PCDHA3: variants seen among roughly 807,000 people sequenced by gnomAD.
PCDHA3 encodes the protein protocadherin alpha 3.
In PCDHA3, 41 loss-of-function variants were observed where a neutral mutation model predicts 62.2. That is an observed-to-expected ratio of 0.66 (90% CI 0.51 to 0.86). The LOEUF (loss-of-function observed/expected upper bound fraction) is 0.86. Ranked by LOEUF, PCDHA3 falls within the 40% of genes least tolerant of loss-of-function variation. The pLI, the probability that PCDHA3 is intolerant of heterozygous loss-of-function variation, is 0.00. For synonymous variants in PCDHA3, 640 were observed against 555.4 expected (o/e 1.15, Z -2.14); for missense variants, 1,304 against 1,241.2 (o/e 1.05, Z -0.76).
Position 140,850,115 on chromosome 5 carries a change from G to C in PCDHA3, c.2394+46524G>C, listed in dbSNP as rs2150468444. ...AGTTCCAGGTGAGCGCGCGCGACGCGGGCGTGCCGCCTCTGGGCAGCAACG... is the reference window on the plus strand; with the variant it reads ...AGTTCCAGGTGAGCGCGCGCGACGCCGGCGTGCCGCCTCTGGGCAGCAACG... On this transcript the variant is annotated intron_variant, in intron 1 of 3. Transcript: ENST00000522353. The C allele has an allele frequency of 8.1e-6, 13 of 1,596,094 alleles. 2 individuals are homozygous for C. Among genetic ancestry groups the C allele is most frequent in the Non-Finnish European group, 1.1e-5 (13 of 1,167,854 alleles).
intron 1 of PCDHA3, among the ~76,000 whole-genome samples, chr5:140,912,874 G>T (rs2076102653): frequency 6.6e-6 from 1 of 152,026 alleles, no homozygotes; most frequent in Non-Finnish European, 1.5e-5. Context: ...TATGGTTTTT[G>T]GTCTTCATTC....
chr5:140,929,306 A>G lies in PCDHA3; in HGVS notation c.2395-49643A>G, dbSNP rs781950847. 9 of 1,572,580 alleles carry G rather than the reference A, an allele frequency of 5.7e-6. No homozygotes were observed. The Admixed American group carries it at 9.0e-5, about 16-fold the overall frequency. On this transcript the variant is annotated intron_variant, in intron 1 of 3. Coordinates refer to ENST00000522353, the MANE Select transcript of PCDHA3 (RefSeq NM_018906.3). The stretch of plus-strand genomic sequence containing the variant: ...CAGATTCGGAATAGGAAAGGGGATC[A>G]CGCTAATGTCAATGCCATGGTAAGC...
chr5:140,939,560 T>C (rs2153641939), intron 1 of PCDHA3, among the ~76,000 whole-genome samples: 1 of 151,934 alleles, frequency 6.6e-6, no homozygotes, highest in African/African-American at 2.4e-5. Flanking sequence ...TGTATTAGTT[T>C]GGTTAATCAA....
At position 140,999,623 on chromosome 5, in the gene PCDHA3, A is replaced by G. The variant is rs188539860; in HGVS notation, c.2543-10004A>G. ...CCTGGGGGACCTTATCAACCAGGAAACAAGGTAGAGAAAACTGTGCAGCCT... is the reference window on the plus strand; with the variant it reads ...CCTGGGGGACCTTATCAACCAGGAAGCAAGGTAGAGAAAACTGTGCAGCCT... On this transcript the variant is annotated intron_variant, in intron 3 of 3. Transcript: ENST00000522353. Among the ~76,000 whole-genome samples the G allele has an allele frequency of 1.3e-4, 20 of 152,330 alleles. No individual in the cohort carries two copies. In the East Asian group the frequency reaches 3.9e-3, roughly 29 times the overall value.
chr5:140,938,477 A>T (rs2092083791), intron 1 of PCDHA3, among the ~76,000 whole-genome samples: 1 of 152,178 alleles, frequency 6.6e-6, no homozygotes, highest in Non-Finnish European at 1.5e-5. Flanking sequence ...TATGTTTTTT[A>T]AAAATCATGA....
intron 1 of PCDHA3, among the ~76,000 whole-genome samples, chr5:140,946,597 T>A (rs952488909): frequency 1.5e-5 from 2 of 137,412 alleles, no homozygotes; most frequent in Admixed American, 7.5e-5. Context: ...GATGAATAGA[T>A]AAAGAAAATG....
intron 1 of PCDHA3, among the ~76,000 whole-genome samples, chr5:140,925,996 T>C (rs2082856637): frequency 6.6e-6 from 1 of 152,190 alleles, no homozygotes; most frequent in Non-Finnish European, 1.5e-5. Context: ...CTGGCTCCGC[T>C]GCCTCGAAAA....
chr5:140,802,209 C>T lies in PCDHA3; in HGVS notation c.1012C>T (p.Leu338Phe), dbSNP rs782580003. Residue 338 changes from leucine (L) to phenylalanine (F), a missense_variant, in exon 1 of 4, where the codon CTC (leucine) becomes TTC (phenylalanine). Transcript: ENST00000522353. ...PPMSDHCTVL[L>F]EIVDINDNVP... is the part of the protein sequence containing the mutation. The stretch of plus-strand genomic sequence containing the variant: ...AATGTCAGATCACTGCACAGTTCTA[C>T]TCGAAATTGTGGACATCAATGATAA... 2.5e-6 allele frequency: 4 copies of T among 1,614,192 alleles called. No homozygotes were observed. The South Asian group carries it at 4.4e-5, about 18-fold the overall frequency.
At chr5:140,997,566 T>G (rs1366934494) in intron 3 of PCDHA3, among the ~76,000 whole-genome samples, 1 of 152,208 alleles carries the variant, frequency 6.6e-6, no homozygotes, top group Non-Finnish European at 1.5e-5. Context: ...AACTGTCATA[T>G]GTGTGGTCCG....
chr5:140,899,253 A>T (rs1340284203), intron 1 of PCDHA3, among the ~76,000 whole-genome samples: 1 of 152,284 alleles, frequency 6.6e-6, no homozygotes, highest in East Asian at 1.9e-4. Context: ...GAGAGAGGGC[A>T]TCCCTGTCTT....
In PCDHA3 at chr5:140,830,153, G is replaced by A. The variant is rs2150182058; in HGVS notation, c.2394+26562G>A. On this transcript the variant is annotated intron_variant, in intron 1 of 3. Coordinates refer to ENST00000522353, the MANE Select transcript of PCDHA3 (RefSeq NM_018906.3). ...ATCACGGGCGTCGGTGGGCGCCGCG[G>A]GCCCAGAGGCGGCGCTGGTGGATGT... 6 of 1,613,358 alleles carry A rather than the reference G, an allele frequency of 3.7e-6. No individual in the cohort carries two copies. In the East Asian group the frequency reaches 8.9e-5, roughly 24 times the overall value.
At chr5:140,947,627 A>C (rs1375142600) in intron 1 of PCDHA3, among the ~76,000 whole-genome samples, 1 of 151,696 alleles carries the variant, frequency 6.6e-6, no homozygotes, top group Non-Finnish European at 1.5e-5. Context: ...ATATTGAGTC[A>C]TCAGATCGTA....
chr5:140,838,074 TATAGTGTGTG>T (rs1562368260), intron 1 of PCDHA3, among the ~76,000 whole-genome samples: 2 of 120,528 alleles, frequency 1.7e-5, no homozygotes, highest in African/African-American at 6.6e-5. Flanking sequence ...GTTATATATA[TATAGTGTGTG>T]TGTGTGTGTG....
chr5:140,926,985 G>A, intron 1 of PCDHA3: 1 of 1,611,068 alleles, frequency 6.2e-7, no homozygotes, highest in Non-Finnish European at 8.5e-7. Flanking sequence ...AGGAGACGGA[G>A]CGGGGCGTAG....
In PCDHA3 at chr5:140,801,239, G is replaced by A. The variant is rs782183547; in HGVS notation, c.42G>A (p.Leu14=). The change falls in exon 1 of 4, where the codon CTG becomes CTA. Residue 14 remains leucine (L), a synonymous_variant. Transcript: ENST00000522353. ...SWREDPGAQC[L]LLSLLLLAAS... is the part of the protein sequence containing the mutation. ...GAGAAGATCCTGGAGCCCAGTGCCTGCTGCTTTCTCTTCTGCTCCTCGCAG... is the reference window on the plus strand; with the variant it reads ...GAGAAGATCCTGGAGCCCAGTGCCTACTGCTTTCTCTTCTGCTCCTCGCAG... 9.3e-6 allele frequency: 15 copies of A among 1,613,134 alleles called. No individual in the cohort carries two copies. The highest frequency in any genetic ancestry group is 1.3e-5 in the Non-Finnish European group (15 of 1,179,344).
At position 140,856,324 on chromosome 5, in the gene PCDHA3, G is replaced by A. The variant is rs1221183425; in HGVS notation, c.2394+52733G>A. ...TTGTGAATTCTCGGATTGACCGCGA[G>A]GAGCTGTGCGGGCGGAGCGTGGAGT... On this transcript the variant is annotated intron_variant, in intron 1 of 3. Coordinates refer to ENST00000522353, the MANE Select transcript of PCDHA3 (RefSeq NM_018906.3). The A allele has an allele frequency of 6.3e-6, 10 of 1,598,594 alleles. 1 individual carries two copies. Among genetic ancestry groups the A allele is most frequent in the Non-Finnish European group, 8.6e-6 (10 of 1,168,074 alleles).
chr5:140,850,279 G>C (rs140634296), intron 1 of PCDHA3: 2 of 1,595,566 alleles, frequency 1.3e-6, no homozygotes, highest in African/African-American at 1.3e-5. Context: ...GGGAAGGTGC[G>C]CGCAGTGGAC....
chr5:140,917,329 G>T lies in PCDHA3; in HGVS notation c.2395-61620G>T, dbSNP rs543216216. Among the ~76,000 whole-genome samples the T allele has an allele frequency of 4.9e-5, 7 of 143,930 alleles. 1 individual carries two copies. The highest frequency in any genetic ancestry group is 1.6e-4 in the African/African-American group (6 of 37,952). The allele number at this position is 143,930 out of a possible 152,430, so 94.4% of individuals were successfully genotyped here. A position where few individuals can be genotyped will look rare whatever the true frequency, so the allele number is the denominator to read the frequency against. ...ACAATTTGGTGTTCATGTGGCGGGG[G>T]AGGGGGGGGATGGTGTAGGCTTCTG... On this transcript the variant is annotated intron_variant, in intron 1 of 3. Coordinates refer to ENST00000522353, the MANE Select transcript of PCDHA3 (RefSeq NM_018906.3).
At chr5:140,908,706 T>C (rs2074108716) in intron 1 of PCDHA3, among the ~76,000 whole-genome samples, 1 of 152,132 alleles carries the variant, frequency 6.6e-6, no homozygotes, top group South Asian at 2.1e-4. Context: ...TCAAGCACCA[T>C]TGGATCTGCT....
Sources: gnomAD v4.1 joint callset for allele counts (sites outside exome capture counted in the v4.1 genomes callset) on GRCh38, gnomAD v4.1.1 for gene constraint, MANE v1.5 for transcripts, NCBI Gene and HGNC (gene_info 2026-07-23, HGNC 2026-07-21) for gene names.